Variants in BICC1 observed in about 807,000 individuals in gnomAD.
BICC1 encodes protein bicaudal C homolog 1.
In BICC1, 43 loss-of-function variants were observed where a neutral mutation model predicts 111.0. The ratio of observed to expected loss-of-function variants is 0.39; its 90% CI spans 0.30 to 0.50. The LOEUF is 0.50. BICC1 is among the 20% of genes least tolerant of loss of function. The pLI, the probability that BICC1 is intolerant of heterozygous loss-of-function variation, is 0.88. For synonymous variants in BICC1, 467 were observed against 434.4 expected, an observed-to-expected ratio of 1.07 and a Z score of -0.93; for missense variants, 1,091 against 1,203.2, an observed-to-expected ratio of 0.91 and a Z score of 1.38.
At chr10:58,803,299 G>T (rs1843611328) in intron 15 of BICC1, 57 bp downstream of exon 15, 2 of 1,466,220 alleles carry the variant, frequency 1.4e-6, no homozygotes, top group Non-Finnish European at 1.8e-6. Context: ...GTTCTGGTAT[G>T]GAGAATTCAG....
chr10:58,587,200 T>C (rs1371123424), intron 1 of BICC1, among the ~76,000 whole-genome samples: 1 of 152,198 alleles, frequency 6.6e-6, no homozygotes, highest in African/African-American at 2.4e-5. Flanking sequence ...GCATACGTGT[T>C]CTGCTTGCTT....
At chr10:58,823,607 C>A (rs765689622) in intron 20 of BICC1, 130 of 985,080 alleles carry the variant, frequency 1.3e-4, no homozygotes, top group Non-Finnish European at 1.4e-4. Flanking sequence ...GTCTTCATGG[C>A]CCAGTTGTTG....
chr10:58,718,742 A>ATGTGTGTGTGTGTGTG lies in BICC1; in HGVS notation c.307+16608_307+16623dup, dbSNP rs371273354. Among the ~76,000 whole-genome samples the ATGTGTGTGTGTGTGTG allele has an allele frequency of 4.7e-3, 703 of 148,522 alleles. 7 individuals carry two copies. Among genetic ancestry groups the ATGTGTGTGTGTGTGTG allele is most frequent in the African/African-American group, 0.017 (658 of 39,798 alleles). ...GGTCCTCAATATTAATAGCATGGAA[A>ATGTGTGTGTGTGTGTG]TGTGTGTGTGTGTGTGTGTGTGTGC... On this transcript the variant is annotated intron_variant, in intron 3 of 20. Transcript: ENST00000373886.
chr10:58,827,385 C>T (rs1197685782), intron 20 of BICC1, among the ~76,000 whole-genome samples: 3 of 152,124 alleles, frequency 2.0e-5, no homozygotes, highest in African/African-American at 4.8e-5. Context: ...TGCACGACTT[C>T]ACAGAATTTA....
At chr10:58,757,983 A>G (rs964748460) in intron 3 of BICC1, among the ~76,000 whole-genome samples, 1 of 152,228 alleles carries the variant, frequency 6.6e-6, no homozygotes, top group Non-Finnish European at 1.5e-5. Context: ...CAACCTTAGC[A>G]GTGGTGCTTG....
At chr10:58,602,920 G>T (rs971017841) in intron 1 of BICC1, among the ~76,000 whole-genome samples, 2 of 152,116 alleles carry the variant, frequency 1.3e-5, no homozygotes, top group African/African-American at 4.8e-5. Flanking sequence ...TATAGACTTG[G>T]TCTTCTTGAG....
intron 3 of BICC1, among the ~76,000 whole-genome samples, chr10:58,733,223 C>T (rs996603157): frequency 1.3e-5 from 2 of 152,128 alleles, no homozygotes; most frequent in African/African-American, 4.8e-5. Flanking sequence ...CTTTGTGAAA[C>T]AATCACTAGC....
At position 58,796,754 on chromosome 10, in the gene BICC1, A is replaced by G. The variant is rs7094908; in HGVS notation, c.1366+228A>G. Reference sequence around the variant, plus strand: ...TGTTTGCATAAATAATCAAGGTCTGACTATTTTATTTTCGGTGGCTGTGTT... The same window carrying G: ...TGTTTGCATAAATAATCAAGGTCTGGCTATTTTATTTTCGGTGGCTGTGTT... On this transcript the variant is annotated intron_variant, in intron 10 of 20. Coordinates refer to ENST00000373886, the MANE Select transcript of BICC1 (RefSeq NM_001080512.3). Among the ~76,000 whole-genome samples the G allele has an allele frequency of 0.023, 3,531 of 152,102 alleles. 118 individuals are homozygous for G. The highest frequency in any genetic ancestry group is 0.08 in the African/African-American group (3,333 of 41,486).
chr10:58,539,857 T>G (rs547654752), intron 1 of BICC1, among the ~76,000 whole-genome samples: 2 of 152,038 alleles, frequency 1.3e-5, no homozygotes, highest in African/African-American at 4.8e-5. Context: ...ACTAGGAGCA[T>G]TCTTCAGGAT....
At chr10:58,680,065 C>A (rs57722140) in intron 2 of BICC1, among the ~76,000 whole-genome samples, 2,455 of 152,196 alleles carry the variant, frequency 0.016, 68 homozygotes, top group African/African-American at 0.056. Flanking sequence ...TTATGACAAA[C>A]CCACAGCCAA....
rs149662454 is a variant in BICC1, at chr10:58,828,805, C to T, written c.2839C>T (p.Arg947Cys). ...RRKLFESPNA[R>C]TSFLEGGASG... ...AAAGCTTTTTGAATCGCCAAATGCA[C>T]GCACCTCTTTCCTGGAAGGTGGAGC... Residue 947 changes from arginine (R) to cysteine (C), a missense_variant, in exon 21 of 21, where the codon CGC (arginine) becomes TGC (cysteine). This residue lies in a region of BICC1 where 231 missense variants were observed against 256.2 expected (regional missense o/e 0.90). Transcript: ENST00000373886. 357 of 1,613,826 alleles carry T rather than the reference C, an allele frequency of 2.2e-4. 1 individual carries two copies. In the Admixed American group the frequency reaches 4.3e-3, roughly 19 times the overall value.
intron 6 of BICC1, among the ~76,000 whole-genome samples, chr10:58,788,760 T>A (rs150696677): frequency 6.6e-6 from 1 of 152,116 alleles, no homozygotes; most frequent in Admixed American, 6.6e-5. Context: ...AGTTAGAAAC[T>A]CTCAGGTTTC....
chr10:58,674,517 C>G (rs527404364), intron 2 of BICC1, among the ~76,000 whole-genome samples: 1 of 152,272 alleles, frequency 6.6e-6, no homozygotes, highest in East Asian at 1.9e-4. Flanking sequence ...CCTCACTGTT[C>G]TTTCTCTGGC....
chr10:58,515,526 G>A (rs1419975412), intron 1 of BICC1, among the ~76,000 whole-genome samples: 1 of 152,160 alleles, frequency 6.6e-6, no homozygotes, highest in Non-Finnish European at 1.5e-5. Context: ...ACATTGGAAA[G>A]GTAATGTGTT....
chr10:58,630,027 C>T (rs924844679), intron 2 of BICC1, among the ~76,000 whole-genome samples: 1 of 152,192 alleles, frequency 6.6e-6, no homozygotes, highest in Non-Finnish European at 1.5e-5. Flanking sequence ...CTCTGCTTCC[C>T]TGCTCTTCCA....
chr10:58,661,205 G>T (rs1311635367), intron 2 of BICC1, among the ~76,000 whole-genome samples: 3 of 93,090 alleles, frequency 3.2e-5, no homozygotes, highest in African/African-American at 8.7e-5. Context: ...CGCATATCGA[G>T]CTTGAATTTT....
intron 1 of BICC1, among the ~76,000 whole-genome samples, chr10:58,522,395 A>G (rs949587682): frequency 5.9e-5 from 9 of 152,194 alleles, no homozygotes; most frequent in African/African-American, 1.2e-4. Flanking sequence ...CTCAGGATTA[A>G]GAAACTCCCT....
intron 2 of BICC1, among the ~76,000 whole-genome samples, chr10:58,645,811 A>G (rs1838252661): frequency 6.6e-6 from 1 of 152,240 alleles, no homozygotes; most frequent in Non-Finnish European, 1.5e-5. Flanking sequence ...TAGAAACTAT[A>G]TAAAGAAAAC....
At chr10:58,772,136 T>G (rs1011059989) in intron 3 of BICC1, among the ~76,000 whole-genome samples, 3 of 152,204 alleles carry the variant, frequency 2.0e-5, no homozygotes, top group Admixed American at 6.5e-5. Context: ...CAGATAGAAC[T>G]TCAAGTTCCA....
Sources: gnomAD v4.1 joint callset for allele counts (sites outside exome capture counted in the v4.1 genomes callset) on GRCh38, gnomAD v4.1.1 for gene constraint, gnomAD v4.1.1 regional missense constraint, MANE v1.5 for transcripts, NCBI Gene and HGNC (gene_info 2026-07-23, HGNC 2026-07-21) for gene names.